Variants in KCNMA1 observed in about 807,000 individuals in gnomAD.
KCNMA1 encodes the protein potassium calcium-activated channel subfamily M alpha 1, also known as Calcium-activated potassium channel subunit alpha-1.
KCNMA1 carries 29 observed loss-of-function variants against 140.0 expected under a neutral mutation model. The ratio of observed to expected loss-of-function variants is 0.21; its 90% CI spans 0.15 to 0.28. KCNMA1 has a LOEUF of 0.28. Ranked by LOEUF, KCNMA1 falls within the 10% of genes least tolerant of loss-of-function variation. KCNMA1 has a pLI of 1.00. For synonymous variants in KCNMA1, 612 were observed against 611.9 expected (o/e 1.00, Z 0.00); for missense variants, 880 against 1,602.2 (o/e 0.55, Z 7.70).
At chr10:77,469,882 G>A (rs759522309) in intron 1 of KCNMA1, among the ~76,000 whole-genome samples, 1 of 152,216 alleles carries the variant, frequency 6.6e-6, no homozygotes, top group Non-Finnish European at 1.5e-5. Flanking sequence ...CACCACAGTG[G>A]CCGGGAAGCC....
At chr10:77,085,441 C>T (rs147589991) in intron 11 of KCNMA1, among the ~76,000 whole-genome samples, 4 of 152,160 alleles carry the variant, frequency 2.6e-5, no homozygotes, top group Non-Finnish European at 2.9e-5. Flanking sequence ...ATTAGGTCCA[C>T]GAACAATAAC....
chr10:77,306,153 G>T (rs1260006619), intron 2 of KCNMA1, among the ~76,000 whole-genome samples: 3 of 152,232 alleles, frequency 2.0e-5, no homozygotes, highest in African/African-American at 7.2e-5. Flanking sequence ...CTGCTGAGCT[G>T]CAGGCTTCTG....
chr10:77,113,486 C>T (rs567982427), intron 6 of KCNMA1, among the ~76,000 whole-genome samples: 9 of 151,870 alleles, frequency 5.9e-5, no homozygotes, highest in East Asian at 1.9e-4. Context: ...TTTTTTGAGA[C>T]GAGGTCTGAC....
chr10:76,996,953 C>A (rs1375831761), intron 19 of KCNMA1, among the ~76,000 whole-genome samples: 2 of 152,124 alleles, frequency 1.3e-5, no homozygotes. Flanking sequence ...CTTTAACAGG[C>A]GTTGGAGACT....
At chr10:77,474,019 G>C (rs2098224754) in intron 1 of KCNMA1, among the ~76,000 whole-genome samples, 1 of 152,186 alleles carries the variant, frequency 6.6e-6, no homozygotes, top group South Asian at 2.1e-4. Flanking sequence ...CAATGATGAA[G>C]GGTGGGTGGG....
intron 5 of KCNMA1, among the ~76,000 whole-genome samples, chr10:77,121,607 C>A (rs905982390): frequency 1.3e-5 from 2 of 151,684 alleles, no homozygotes; most frequent in African/African-American, 4.8e-5. Flanking sequence ...AGATATCACA[C>A]CCCACAACTT....
chr10:77,562,404 G>A (rs1006212451), intron 1 of KCNMA1, among the ~76,000 whole-genome samples: 2 of 152,054 alleles, frequency 1.3e-5, no homozygotes, highest in East Asian at 1.9e-4. Context: ...ATACTTCCTC[G>A]CAAGCTGTTG....
At chr10:77,499,839 G>A (rs2043237171) in intron 1 of KCNMA1, among the ~76,000 whole-genome samples, 1 of 152,018 alleles carries the variant, frequency 6.6e-6, no homozygotes, top group Non-Finnish European at 1.5e-5. Flanking sequence ...AAATGAAAAT[G>A]AAAACTAAAA....
intron 1 of KCNMA1, among the ~76,000 whole-genome samples, chr10:77,430,578 C>A (rs1157431866): frequency 1.3e-5 from 2 of 152,166 alleles, no homozygotes; most frequent in Non-Finnish European, 2.9e-5. Context: ...AGAATACTCA[C>A]CTAGGAACAA....
intron 1 of KCNMA1, among the ~76,000 whole-genome samples, chr10:77,516,191 C>G (rs1384556506): frequency 6.6e-6 from 1 of 151,114 alleles, no homozygotes; most frequent in Non-Finnish European, 1.5e-5. Context: ...CCACAGCCCA[C>G]CCCCCTACTC....
Position 77,620,654 on chromosome 10 carries a change from A to G in KCNMA1, c.378+16611T>C, listed in dbSNP as rs149300209. On this transcript the variant is annotated intron_variant, in intron 1 of 27. Transcript: ENST00000286628. ...GAGGATATGCTGGGGCTGCCGTCATAACCCCACATCCCCAGTGGGTTCTCT... is the reference window on the plus strand; with the variant it reads ...GAGGATATGCTGGGGCTGCCGTCATGACCCCACATCCCCAGTGGGTTCTCT... Among the ~76,000 whole-genome samples the G allele has an allele frequency of 2.2e-3, 342 of 152,296 alleles. 3 individuals carry two copies. Among genetic ancestry groups the G allele is most frequent in the African/African-American group, 7.9e-3 (329 of 41,562 alleles).
At position 77,567,795 on chromosome 10, in the gene KCNMA1, A is replaced by T. The variant is rs138225921; in HGVS notation, c.378+69470T>A. On this transcript the variant is annotated intron_variant, in intron 1 of 27. Transcript: ENST00000286628. ...TGTAAAACTGTAAATTATTTTTTTT[A>T]AAAAAACTGTCTTGGGCCAGGTGCT... Among the ~76,000 whole-genome samples the T allele has an allele frequency of 2.1e-3, 327 of 152,148 alleles. 1 individual carries two copies. The highest frequency in any genetic ancestry group is 7.1e-3 in the African/African-American group (295 of 41,506).
chr10:77,633,762 T>C (rs929952414), intron 1 of KCNMA1, among the ~76,000 whole-genome samples: 1 of 152,082 alleles, frequency 6.6e-6, no homozygotes, highest in African/African-American at 2.4e-5. Flanking sequence ...CAGCTCAAAC[T>C]GAGAATGGAA....
At chr10:76,978,046 G>A (rs774167877) in intron 19 of KCNMA1, among the ~76,000 whole-genome samples, 10 of 152,170 alleles carry the variant, frequency 6.6e-5, no homozygotes, top group South Asian at 4.1e-4. Context: ...TATTTCAACC[G>A]TCAGCTGCCG....
chr10:77,554,899 G>A (rs1166106114), intron 1 of KCNMA1, among the ~76,000 whole-genome samples: 3 of 152,150 alleles, frequency 2.0e-5, no homozygotes, highest in African/African-American at 7.2e-5. Context: ...CACAAGGCAG[G>A]TGAAGGGGAT....
intron 1 of KCNMA1, among the ~76,000 whole-genome samples, chr10:77,552,954 C>A (rs1382384105): frequency 1.3e-5 from 2 of 152,054 alleles, no homozygotes; most frequent in Admixed American, 6.5e-5. Context: ...GAGGCTGGGG[C>A]ATGAGAATCG....
chr10:77,367,910 T>C (rs2094462437), intron 2 of KCNMA1, among the ~76,000 whole-genome samples: 1 of 152,220 alleles, frequency 6.6e-6, no homozygotes, highest in Non-Finnish European at 1.5e-5. Context: ...CTGCATGTAT[T>C]CATGGTAAGG....
intron 1 of KCNMA1, among the ~76,000 whole-genome samples, chr10:77,434,326 G>A (rs1376132162): frequency 1.8e-4 from 28 of 152,184 alleles, no homozygotes; most frequent in Non-Finnish European, 8.8e-5. Context: ...AGTGTGTCTC[G>A]TTCCTGTGGA....
At chr10:76,978,363 T>C (rs2078327335) in intron 19 of KCNMA1, 1 of 152,240 alleles carries the variant, frequency 6.6e-6, no homozygotes, top group South Asian at 2.1e-4. Flanking sequence ...CCACATCCAT[T>C]CCATTAAATC....
Sources: gnomAD v4.1 joint callset for allele counts (sites outside exome capture counted in the v4.1 genomes callset) on GRCh38, gnomAD v4.1.1 for gene constraint, MANE v1.5 for transcripts, NCBI Gene and HGNC (gene_info 2026-07-23, HGNC 2026-07-21) for gene names.